CCDC149: variants seen among roughly 807,000 people sequenced by gnomAD.
CCDC149 encodes coiled-coil domain containing 149, also known as coiled-coil domain-containing protein 149.
A neutral mutation model predicts 59.9 loss-of-function variants in CCDC149; 45 were observed. The observed-to-expected ratio is 0.75, with a 90% CI of 0.59 to 0.96. CCDC149 has a LOEUF of 0.96. CCDC149 is among the 40% of genes least tolerant of loss of function. CCDC149 has a pLI of 0.00. For missense variants in CCDC149, 584 were observed against 664.7 expected, an observed-to-expected ratio of 0.88 and a Z score of 1.33; for synonymous variants, 245 against 260.6, an observed-to-expected ratio of 0.94 and a Z score of 0.58.
intron 7 of CCDC149, 129 bp from the exon 8 acceptor site, chr4:24,835,161 G>C (rs1031035869): frequency 2.9e-5 from 17 of 591,504 alleles, no homozygotes; most frequent in Non-Finnish European, 5.1e-5. Flanking sequence ...CTAATATTTA[G>C]AATTCCAAGT....
At chr4:24,894,099 T>C (rs1720703170) in intron 1 of CCDC149, among the ~76,000 whole-genome samples, 1 of 152,178 alleles carries the variant, frequency 6.6e-6, no homozygotes, top group African/African-American at 2.4e-5. Context: ...TGATGTCTAC[T>C]TATCTTTTAG....
chr4:24,857,202 G>T (rs749185791), intron 3 of CCDC149, among the ~76,000 whole-genome samples: 12 of 152,144 alleles, frequency 7.9e-5, no homozygotes, highest in Admixed American at 2.6e-4. Flanking sequence ...AACTGCAGTG[G>T]CTACATTGGT....
chr4:24,855,323 G>A (rs800465), intron 3 of CCDC149, among the ~76,000 whole-genome samples: 119,683 of 152,082 alleles, frequency 0.79, 47,109 homozygotes, highest in East Asian at 0.91. Context: ...CCAGCCCTTC[G>A]GGAGGCCGAC....
At chr4:24,814,731 G>C (rs964274755) in intron 12 of CCDC149, among the ~76,000 whole-genome samples, 1 of 152,126 alleles carries the variant, frequency 6.6e-6, no homozygotes, top group African/African-American at 2.4e-5. Flanking sequence ...CCAGTGTCTC[G>C]GCAGCAAAGC....
chr4:24,817,782 T>G (rs1261712551), intron 12 of CCDC149, among the ~76,000 whole-genome samples: 2 of 152,144 alleles, frequency 1.3e-5, no homozygotes, highest in East Asian at 3.9e-4. Context: ...TACATAGTTG[T>G]TGCTTTAAGT....
chr4:24,972,600 C>A (rs1724008728), intron 1 of CCDC149, among the ~76,000 whole-genome samples: 1 of 152,154 alleles, frequency 6.6e-6, no homozygotes, highest in African/African-American at 2.4e-5. Context: ...AGCCACCACG[C>A]CCAGCCTTTT....
chr4:24,917,220 C>A (rs190041715), upstream of CCDC149, among the ~76,000 whole-genome samples: 1 of 152,230 alleles, frequency 6.6e-6, no homozygotes, highest in African/African-American at 2.4e-5. Context: ...CCTCTCACGG[C>A]CACCCCTGCC....
At chr4:24,963,013 T>C (rs1410634037) in intron 1 of CCDC149, among the ~76,000 whole-genome samples, 1 of 151,536 alleles carries the variant, frequency 6.6e-6, no homozygotes, top group Non-Finnish European at 1.5e-5. Context: ...AAGCATGCTC[T>C]CCTTAGCCAA....
chr4:24,846,915 G>A (rs1717325248), intron 4 of CCDC149, among the ~76,000 whole-genome samples: 1 of 152,176 alleles, frequency 6.6e-6, no homozygotes, highest in African/African-American at 2.4e-5. Flanking sequence ...AAAGTAAACA[G>A]ACAAGAAGAC....
At chr4:24,869,323 G>A (rs1367395073) in intron 3 of CCDC149, among the ~76,000 whole-genome samples, 2 of 152,192 alleles carry the variant, frequency 1.3e-5, no homozygotes, top group Non-Finnish European at 2.9e-5. Context: ...CTTCTGAGGA[G>A]GAAGCAGGCG....
At chr4:24,913,732 A>G (rs1722032839), upstream of CCDC149, among the ~76,000 whole-genome samples, 1 of 152,214 alleles carries the variant, frequency 6.6e-6, no homozygotes, top group South Asian at 2.1e-4. Flanking sequence ...TCCCTTGAGG[A>G]CAGGAGTTCA....
intron 3 of CCDC149, among the ~76,000 whole-genome samples, chr4:24,870,759 C>T (rs10000139): frequency 0.42 from 64,262 of 151,938 alleles, 14,796 homozygotes; most frequent in Non-Finnish European, 0.52. Context: ...AAAGGTGCTG[C>T]TTATAACCTC....
chr4:24,812,879 AC>A (rs1182334450), intron 12 of CCDC149, among the ~76,000 whole-genome samples: 1 of 152,018 alleles, frequency 6.6e-6, no homozygotes, highest in Middle Eastern at 3.2e-3. Context: ...GGGGGAAACC[AC>A]CCCCATGATT....
chr4:24,912,830 C>T lies in CCDC149; in HGVS notation c.50G>A (p.Gly17Glu), dbSNP rs1436172885. The T allele has an allele frequency of 1.5e-6, 2 of 1,372,458 alleles. No homozygotes were observed. Among genetic ancestry groups the T allele is most frequent in the Admixed American group, 2.6e-5 (1 of 38,752 alleles). 85.0% of individuals were successfully genotyped at this position (1,372,458 alleles called of 1,614,324 possible). The stretch of plus-strand genomic sequence containing the variant: ...CCGCGGCCTCACCTCGCTCACCAGC[C>T]CCTGCCAGTCGCTCTCAGTCCGGTC... The change falls in exon 1 of 13, where the codon GGG becomes GAG. Residue 17 changes from glycine to glutamate, a missense_variant. Transcript: ENST00000635206.
intron 1 of CCDC149, among the ~76,000 whole-genome samples, chr4:24,925,834 C>T (rs978510198): frequency 6.6e-6 from 1 of 152,188 alleles, no homozygotes; most frequent in Non-Finnish European, 1.5e-5. Flanking sequence ...TAATTTGGGA[C>T]ACTTTCCTGG....
intron 12 of CCDC149, among the ~76,000 whole-genome samples, chr4:24,814,450 CTCCTACACTAA>C (rs1217804511): frequency 2.0e-5 from 3 of 152,200 alleles, no homozygotes; most frequent in Non-Finnish European, 4.4e-5. Flanking sequence ...TTCTAGTCTC[CTCCTACACTAA>C]TCCAACCTGC....
At chr4:24,923,181 G>A (rs1038545077) in intron 1 of CCDC149, among the ~76,000 whole-genome samples, 1 of 152,210 alleles carries the variant, frequency 6.6e-6, no homozygotes, top group Admixed American at 6.5e-5. Flanking sequence ...TGGGGACAAG[G>A]TCACAGGCTG....
intron 1 of CCDC149, among the ~76,000 whole-genome samples, chr4:24,899,771 T>C (rs769591320): frequency 2.6e-5 from 4 of 152,160 alleles, no homozygotes; most frequent in Non-Finnish European, 4.4e-5. Flanking sequence ...TGTGCCATTG[T>C]TTGGTTCCAG....
intron 1 of CCDC149, among the ~76,000 whole-genome samples, chr4:24,928,107 A>C (rs1353423331): frequency 6.6e-6 from 1 of 152,214 alleles, no homozygotes; most frequent in Non-Finnish European, 1.5e-5. Flanking sequence ...ATTCTATTAC[A>C]TCTTTATGTC....
Sources: allele counts gnomAD v4.1 joint callset (sites outside exome capture counted in the v4.1 genomes callset), GRCh38; gene constraint gnomAD v4.1.1; transcripts MANE v1.5; gene names NCBI Gene and HGNC (gene_info 2026-07-23, HGNC 2026-07-21).